Variants in TNS1 observed in about 807,000 individuals in gnomAD.
The protein encoded by TNS1 is tensin-1.
A neutral mutation model predicts 168.6 loss-of-function variants in TNS1; 62 were observed. The observed-to-expected ratio is 0.37, with a 90% CI of 0.30 to 0.45. TNS1 has a LOEUF of 0.45. Ranked by LOEUF, TNS1 falls within the 20% of genes least tolerant of loss-of-function variation. The probability of loss-of-function intolerance (pLI) is 1.00; values close to 1 mark genes in which losing one functional copy is unlikely to be tolerated. For missense variants in TNS1, 2,240 were observed against 2,339.4 expected (o/e 0.96, Z 0.88); for synonymous variants, 934 against 933.2 (o/e 1.00, Z -0.02).
At chr2:217,906,817 C>T (rs1205766698) in intron 5 of TNS1, among the ~76,000 whole-genome samples, 1 of 152,222 alleles carries the variant, frequency 6.6e-6, no homozygotes, top group Non-Finnish European at 1.5e-5. Flanking sequence ...CTCCCTTCAT[C>T]TTCCGCATAG....
chr2:217,963,045 A>AATC (rs1290441448), intron 3 of TNS1, among the ~76,000 whole-genome samples: 1 of 152,240 alleles, frequency 6.6e-6, no homozygotes, highest in Admixed American at 6.5e-5. Context: ...GTGTAAGTTT[A>AATC]ATCATCTCAG....
chr2:217,971,873 C>T (rs545081203), intron 3 of TNS1, among the ~76,000 whole-genome samples: 45 of 152,178 alleles, frequency 3.0e-4, no homozygotes, highest in Middle Eastern at 3.4e-3. Context: ...GGCAAACAAG[C>T]GAAAGACATA....
chr2:217,991,576 G>A (rs964651548), intron 1 of TNS1, among the ~76,000 whole-genome samples: 1 of 152,090 alleles, frequency 6.6e-6, no homozygotes, highest in African/African-American at 2.4e-5. Flanking sequence ...GCATAGTCTT[G>A]CGTTTGGCTT....
rs1952479349 is a variant in TNS1, at chr2:217,897,791, T to A, written c.543+7A>T. On this transcript the variant is annotated splice_region_variant and intron_variant, in intron 8 of 32. Coordinates refer to ENST00000682258, the MANE Select transcript of TNS1 (RefSeq NM_001387777.1). Reference sequence around the variant, plus strand: ...ACAGGACAGTGGGCACGAGGATCCATCCTCACCAGGTAGTTGCCTCCATGT... The same window carrying A: ...ACAGGACAGTGGGCACGAGGATCCAACCTCACCAGGTAGTTGCCTCCATGT... The A allele has an allele frequency of 6.3e-7, 1 of 1,590,792 alleles. No homozygotes were observed. Among genetic ancestry groups the A allele is most frequent in the Non-Finnish European group, 8.6e-7 (1 of 1,168,704 alleles).
At position 217,818,739 on chromosome 2, in the gene TNS1, G is replaced by A. The variant is rs149785174; in HGVS notation, c.3593C>T (p.Pro1198Leu). Reference protein sequence around the residue: ...SADSTSVGSFPSGESSDQGPR... With the variant: ...SADSTSVGSFLSGESSDQGPR... ...ACCCTGGTCACTGCTCTCTCCCGAC[G>A]GGAAACTCCCCACTGAAGTGCTGCA... is the stretch of plus-strand genomic sequence containing the variant. Residue 1198 changes from proline to leucine, a missense_variant, in exon 24 of 33, where the codon CCG becomes CTG. This residue lies in a region of TNS1 where 2,131 missense variants were observed against 2,171.2 expected (regional missense o/e 0.98). Transcript: ENST00000682258. 6.3e-5 allele frequency: 102 copies of A among 1,611,820 alleles called. No homozygotes were observed. In the Admixed American group the frequency reaches 6.3e-4, roughly 10 times the overall value.
At chr2:217,844,375 G>A (rs1314879656) in intron 19 of TNS1, among the ~76,000 whole-genome samples, 1 of 152,032 alleles carries the variant, frequency 6.6e-6, no homozygotes, top group East Asian at 1.9e-4. Context: ...GAAACCACAG[G>A]AATGGCTTCC....
chr2:217,814,844 G>T, intron 25 of TNS1, 68 bp downstream of exon 25: 1 of 1,377,828 alleles, frequency 7.3e-7, no homozygotes, highest in Non-Finnish European at 1.0e-6. Context: ...TCTGTTCCTT[G>T]CCCAGGGAAG....
At chr2:217,999,165 A>G (rs1014440573) in intron 1 of TNS1, among the ~76,000 whole-genome samples, 2 of 152,174 alleles carry the variant, frequency 1.3e-5, no homozygotes, top group Admixed American at 6.5e-5. Context: ...CGGACCCCAC[A>G]TGTCCTGCCC....
intron 1 of TNS1, among the ~76,000 whole-genome samples, chr2:218,021,528 T>C (rs1036636979): frequency 7.2e-5 from 11 of 152,234 alleles, no homozygotes; most frequent in Non-Finnish European, 1.3e-4. Context: ...GGAGGGTCTG[T>C]GCATCCAGTC....
chr2:217,966,329 G>T (rs985179920), intron 3 of TNS1, among the ~76,000 whole-genome samples: 1 of 150,582 alleles, frequency 6.6e-6, no homozygotes, highest in Non-Finnish European at 1.5e-5. Context: ...GCGTGTGTAA[G>T]GAGACAGCAA....
intron 19 of TNS1, among the ~76,000 whole-genome samples, chr2:217,837,427 G>T (rs1213681415): frequency 2.0e-5 from 3 of 152,222 alleles, no homozygotes; most frequent in Non-Finnish European, 4.4e-5. Flanking sequence ...ATGAACAGCA[G>T]GCTGCCGGCT....
intron 19 of TNS1, among the ~76,000 whole-genome samples, chr2:217,837,025 G>A (rs956358996): frequency 2.6e-5 from 4 of 152,084 alleles, no homozygotes; most frequent in South Asian, 4.1e-4. Context: ...GCTGAGGCAC[G>A]GAATCCATTG....
intron 18 of TNS1, among the ~76,000 whole-genome samples, chr2:217,870,040 T>C (rs1031305833): frequency 2.0e-5 from 3 of 152,110 alleles, no homozygotes; most frequent in African/African-American, 7.2e-5. Flanking sequence ...TTGTTTCTCG[T>C]TCCTTTTACT....
chr2:218,015,661 T>C (rs1408260462), intron 1 of TNS1, among the ~76,000 whole-genome samples: 1 of 151,854 alleles, frequency 6.6e-6, no homozygotes, highest in Non-Finnish European at 1.5e-5. Context: ...CCCCCCTTTA[T>C]TCTCAGGGCT....
chr2:217,894,360 AAAAAGCAGC>A (rs1952048814), intron 9 of TNS1, among the ~76,000 whole-genome samples: 1 of 152,176 alleles, frequency 6.6e-6, no homozygotes, highest in African/African-American at 2.4e-5. Context: ...CAAACAGAAT[AAAAAGCAGC>A]AACAGGTCCA....
intron 18 of TNS1, 54 bp from the exon 19 acceptor site, chr2:217,849,141 GCAGGGGTATCATCCACTCTGC>G: frequency 1.3e-6 from 2 of 1,558,950 alleles, no homozygotes; most frequent in Non-Finnish European, 8.7e-7. Flanking sequence ...TTAGCGGGAG[GCAGGGGTATCATCCACTCTGC>G]CAGAGAAAGA....
upstream of TNS1, among the ~76,000 whole-genome samples, chr2:218,012,506 T>G (rs1017492592): frequency 6.6e-6 from 1 of 152,144 alleles, no homozygotes; most frequent in Non-Finnish European, 1.5e-5. Context: ...TTCCAGCCAC[T>G]GCCCAGCATG....
intron 6 of TNS1, 70 bp downstream of exon 6, chr2:217,906,265 T>G: frequency 3.4e-6 from 2 of 596,276 alleles, no homozygotes; most frequent in Non-Finnish European, 3.1e-6. Flanking sequence ...ATTATCCACC[T>G]CCCACCCCAC....
intron 3 of TNS1, among the ~76,000 whole-genome samples, chr2:217,970,513 A>G (rs1957750852): frequency 6.6e-6 from 1 of 152,204 alleles, no homozygotes; most frequent in Non-Finnish European, 1.5e-5. Flanking sequence ...CCACCAACTG[A>G]TGAATGGAAA....
Sources: gnomAD v4.1 joint callset for allele counts (sites outside exome capture counted in the v4.1 genomes callset) on GRCh38, gnomAD v4.1.1 for gene constraint, gnomAD v4.1.1 regional missense constraint, MANE v1.5 for transcripts, NCBI Gene and HGNC (gene_info 2026-07-23, HGNC 2026-07-21) for gene names.